NASP: variants seen among roughly 807,000 people sequenced by gnomAD.
NASP encodes nuclear autoantigenic sperm protein.
NASP carries 24 observed loss-of-function variants against 89.5 expected under a neutral mutation model. The ratio of observed to expected loss-of-function variants is 0.27; its 90% CI spans 0.19 to 0.38. NASP has a LOEUF of 0.38. Ranked by LOEUF, NASP falls within the 10% of genes least tolerant of loss-of-function variation. The pLI is 1.00. For missense variants in NASP, 848 were observed against 921.4 expected (o/e 0.92, Z 1.03); for synonymous variants, 306 against 324.7 (o/e 0.94, Z 0.62).
intron 11 of NASP, among the ~76,000 whole-genome samples, chr1:45,615,903 T>G (rs1194098532): frequency 6.6e-6 from 1 of 152,224 alleles, no homozygotes; most frequent in Non-Finnish European, 1.5e-5. Context: ...TTTCAGATTG[T>G]TGGATTAAGG....
chr1:45,607,657 A>G lies in NASP; in HGVS notation c.746A>G (p.Asp249Gly). 1 of 1,614,192 alleles carries G rather than the reference A, an allele frequency of 6.2e-7. No individual in the cohort carries two copies. The highest frequency in any genetic ancestry group is 8.5e-7 in the Non-Finnish European group (1 of 1,180,034). Residue 249 changes from aspartate to glycine, a missense_variant, in exon 6 of 15, where the codon GAT becomes GGT. This residue lies in a region of NASP where 464 missense variants were observed against 469.4 expected (regional missense o/e 0.99). Transcript: ENST00000350030. ...GAAGAAAAATCAGTTTCTGGAACTG[A>G]TGTCCAAGAAGAGTGCAGAGAAAAA... The part of the protein sequence containing the change: ...AEEEKSVSGT[D>G]VQEECREKGG...
chr1:45,586,305 GTGTGGT>G (rs1644548571), intron 1 of NASP, among the ~76,000 whole-genome samples: 1 of 143,876 alleles, frequency 7.0e-6, no homozygotes, highest in African/African-American at 2.6e-5. Flanking sequence ...GTGTGTGTGT[GTGTGGT>G]GTGTGTGTGT....
chr1:45,606,461 T>C (rs1473175489), intron 4 of NASP, 21 bp from the exon 5 acceptor site: 1 of 1,576,402 alleles, frequency 6.3e-7, no homozygotes, highest in Admixed American at 1.7e-5. Context: ...AAACCTTTGG[T>C]GCTTTCTTTT....
At chr1:45,617,391 A>C in intron 13 of NASP, 72 bp from the exon 14 acceptor site, 1 of 1,533,406 alleles carries the variant, frequency 6.5e-7, no homozygotes, top group South Asian at 1.2e-5. Context: ...ACAAGGGTTA[A>C]GGAAATGTTT....
intron 6 of NASP, chr1:45,612,357 CAGAG>C (rs1222054144): frequency 6.6e-6 from 1 of 152,192 alleles, no homozygotes; most frequent in South Asian, 2.1e-4. Flanking sequence ...TGAAAGATGG[CAGAG>C]AGAGGCATAT....
intron 2 of NASP, among the ~76,000 whole-genome samples, chr1:45,599,118 T>TTTTGTTTGTTTG (rs546440851): frequency 3.6e-4 from 54 of 151,870 alleles, no homozygotes; most frequent in Non-Finnish European, 7.5e-4. Context: ...GAAAGAGTGT[T>TTTTGTTTGTTTG]TTTGTTTGTT....
At chr1:45,601,543 A>G (rs1416784295) in intron 2 of NASP, among the ~76,000 whole-genome samples, 1 of 152,084 alleles carries the variant, frequency 6.6e-6, no homozygotes, top group Non-Finnish European at 1.5e-5. Flanking sequence ...CTTTATGCCA[A>G]TACTACATTG....
At chr1:45,588,622 C>A in intron 1 of NASP, 1 of 454,320 alleles carries the variant, frequency 2.2e-6, no homozygotes, top group East Asian at 7.1e-5. Context: ...AACATACTTT[C>A]TAAGTATAGT....
At chr1:45,588,942 G>C (rs1643438675) in intron 1 of NASP, 1 of 164,314 alleles carries the variant, frequency 6.1e-6, no homozygotes, top group Admixed American at 6.5e-5. Flanking sequence ...AGAATGAGCA[G>C]TAGCAGGTGG....
Position 45,615,191 on chromosome 1 carries a change from G to C in NASP, c.1845G>C (p.Glu615Asp). 6.2e-7 allele frequency: 1 copy of C among 1,614,122 alleles called. No individual in the cohort carries two copies. The highest frequency in any genetic ancestry group is 1.3e-5 in the African/African-American group (1 of 75,054). Residue 615 changes from glutamate (E) to aspartate (D), a missense_variant, in exon 10 of 15, where the codon GAG (glutamate) becomes GAC (aspartate). Around this residue, in one of 5 missense-constraint regions of NASP, gnomAD observed 218 missense variants for 219.6 expected, o/e 0.99. Coordinates refer to ENST00000350030, the MANE Select transcript of NASP (RefSeq NM_002482.4). ...TCAGCAAATCTATTGAAGTCATTGA[G>C]AACAGAATGGGTGAGTGAAGACGAG... is the stretch of plus-strand genomic sequence containing the variant. Reference protein sequence around the residue: ...AQFSKSIEVIENRMAVLNEQV... With the variant: ...AQFSKSIEVIDNRMAVLNEQV...
At position 45,618,088 on chromosome 1, in the gene NASP, GCAGTGGAGGGGA is replaced by G. The variant is rs1557669311; in HGVS notation, c.2324_2335del (p.Gly775_Glu778del). On this transcript the variant is annotated inframe_deletion, in exon 15 of 15. Transcript: ENST00000350030. ...TGAGAATCAGGCTGAAAGCCGGGCA[GCAGTGGAGGGGA>G]CAGTGGAGGCTGGAGCTACAGTTGA... 2 of 1,603,498 alleles carry G rather than the reference GCAGTGGAGGGGA, an allele frequency of 1.2e-6. No individual in the cohort carries two copies. The highest frequency in any genetic ancestry group is 1.7e-5 in the Admixed American group (1 of 58,744).
chr1:45,617,443 C>T lies in NASP; in HGVS notation c.2158-20C>T, dbSNP rs1429988631. 6.2e-7 allele frequency: 1 copy of T among 1,606,428 alleles called. No homozygotes were observed. Among genetic ancestry groups the T allele is most frequent in the East Asian group, 2.2e-5 (1 of 44,638 alleles). ...AAAACATTAAGCACATTTGTGAAGC[C>T]TTCACAATTATATCTTTAGAGGAAA... On this transcript the variant is annotated intron_variant, in intron 13 of 14. Transcript: ENST00000350030.
intron 6 of NASP, among the ~76,000 whole-genome samples, chr1:45,608,596 CTT>C (rs1462052119): frequency 6.6e-6 from 1 of 152,030 alleles, no homozygotes; most frequent in Non-Finnish European, 1.5e-5. Flanking sequence ...ATTTCTGAGA[CTT>C]GGCTAGCTAT....
intron 5 of NASP, 106 bp downstream of exon 5, chr1:45,606,697 G>A: frequency 1.5e-6 from 1 of 685,884 alleles, no homozygotes; most frequent in Non-Finnish European, 2.4e-6. Flanking sequence ...CTCCTAAGAT[G>A]CTTGGGGTGA....
Position 45,606,560 on chromosome 1 carries a change from A to C in NASP, c.378A>C (p.Glu126Asp). 1 of 1,611,848 alleles carries C rather than the reference A, an allele frequency of 6.2e-7. No individual in the cohort carries two copies. Among genetic ancestry groups the C allele is most frequent in the Non-Finnish European group, 8.5e-7 (1 of 1,177,952 alleles). Reference sequence around the variant, plus strand: ...AAGAAGGAGAAAAAACAGAAGATGAATCTCTGGTAGAAAATAATGATAACA... The same window carrying C: ...AAGAAGGAGAAAAAACAGAAGATGACTCTCTGGTAGAAAATAATGATAACA... ...EEEEGEKTED[E>D]SLVENNDNID... The change falls in exon 5 of 15, where the codon GAA (glutamate) becomes GAC (aspartate). Residue 126 changes from glutamate (E) to aspartate (D), a missense_variant. Transcript: ENST00000350030.
chr1:45,593,246 A>G (rs1007889733), intron 2 of NASP, among the ~76,000 whole-genome samples: 1 of 152,150 alleles, frequency 6.6e-6, no homozygotes, highest in Non-Finnish European at 1.5e-5. Flanking sequence ...GTTTAGAAAT[A>G]ACTCCGGCCA....
chr1:45,586,272 GT>G (rs1232707839), intron 1 of NASP, among the ~76,000 whole-genome samples: 7 of 74,858 alleles, frequency 9.4e-5, no homozygotes, highest in African/African-American at 1.9e-4. Context: ...GTGTGTGTGT[GT>G]GTGTGTGTGT....
intron 4 of NASP, among the ~76,000 whole-genome samples, chr1:45,605,504 C>T (rs1025655379): frequency 2.0e-5 from 3 of 151,876 alleles, no homozygotes; most frequent in Non-Finnish European, 2.9e-5. Flanking sequence ...AGTCTGTCAC[C>T]CAGGCTGGAA....
At position 45,591,468 on chromosome 1, in the gene NASP, T is replaced by C. The variant is rs1643546423; in HGVS notation, c.107+198T>C. Among the ~76,000 whole-genome samples the C allele has an allele frequency of 1.3e-5, 2 of 152,098 alleles. 1 individual carries two copies. Among genetic ancestry groups the C allele is most frequent in the South Asian group, 4.1e-4 (2 of 4,822 alleles). ...TCCTGGGCTCAAGCAATCTTCCCAC[T>C]TCAACCTCCTGAGTAGCTAGGACTA... On this transcript the variant is annotated intron_variant, in intron 2 of 14. Coordinates refer to ENST00000350030, the MANE Select transcript of NASP (RefSeq NM_002482.4).
Sources: gnomAD v4.1 joint callset for allele counts (sites outside exome capture counted in the v4.1 genomes callset) on GRCh38, gnomAD v4.1.1 for gene constraint, gnomAD v4.1.1 regional missense constraint, MANE v1.5 for transcripts, NCBI Gene and HGNC (gene_info 2026-07-23, HGNC 2026-07-21) for gene names.